The following AFF2 variants were observed in gnomAD, a reference collection of about 807,000 sequenced individuals.
AFF2 encodes ALF transcription elongation factor 2, also known as AF4/FMR2 family member 2.
In AFF2, 14 loss-of-function variants were observed where a neutral mutation model predicts 76.9. That is an observed-to-expected ratio of 0.18 (90% confidence interval 0.12 to 0.28). The LOEUF (loss-of-function observed/expected upper bound fraction) is 0.28. Ranked by LOEUF, AFF2 falls within the 10% of genes least tolerant of loss-of-function variation. AFF2 has a pLI of 1.00. For synonymous variants in AFF2, 398 were observed against 366.7 expected (o/e 1.09, Z -0.98); for missense variants, 868 against 1,001.1 (o/e 0.87, Z 1.79).
At chrX:148,807,104 G>A (rs781959100) in intron 3 of AFF2, among the ~76,000 whole-genome samples, 55 of 112,139 alleles carry the variant, frequency 4.9e-4, no homozygotes, top group African/African-American at 1.8e-3. Context: ...TGTCCTGAGT[G>A]CTGCCGACTC....
At chrX:148,897,335 T>A (rs1473556297) in intron 8 of AFF2, among the ~76,000 whole-genome samples, 1 of 90,144 alleles carries the variant, frequency 1.1e-5, no homozygotes, top group Non-Finnish European at 2.2e-5. Context: ...TATATCCATA[T>A]GTATATAATC....
chrX:148,688,969 A>G (rs1383588416), intron 3 of AFF2, among the ~76,000 whole-genome samples: 1 of 112,414 alleles, frequency 8.9e-6, no homozygotes, highest in African/African-American at 3.2e-5. Flanking sequence ...TGTACTTGCT[A>G]TAGTGTTCCT....
At chrX:148,581,167 ATACATATACG>A (rs2053370513) in intron 1 of AFF2, among the ~76,000 whole-genome samples, 1 of 82,850 alleles carries the variant, frequency 1.2e-5, no homozygotes, top group African/African-American at 6.1e-5. Flanking sequence ...GTATACACAC[ATACATATACG>A]TATACACACA....
Position 148,994,121 on chromosome X carries a change from T to C in AFF2, c.*2789T>C, listed in dbSNP as rs934527118. ...CACACTTAAATAAGCACGTGGAGGTTAGAATAGAGGGCAGAGTAAAAGGAA... is the reference window on the plus strand; with the variant it reads ...CACACTTAAATAAGCACGTGGAGGTCAGAATAGAGGGCAGAGTAAAAGGAA... On this transcript the variant is annotated 3_prime_UTR_variant, in exon 21 of 21. Transcript: ENST00000370460. The C allele has an allele frequency of 9.0e-6, 1 of 111,130 alleles. No individual in the cohort carries two copies. Among genetic ancestry groups the C allele is most frequent in the Non-Finnish European group, 1.9e-5 (1 of 52,975 alleles). The allele number at this position is 111,130 out of a possible 1,213,427, so 9.2% of individuals were successfully genotyped here. A position where few individuals can be genotyped will look rare whatever the true frequency, so the allele number is the denominator to read the frequency against.
chrX:148,839,468 C>A (rs1269813057), intron 5 of AFF2, among the ~76,000 whole-genome samples: 1 of 111,784 alleles, frequency 8.9e-6, no homozygotes, highest in Non-Finnish European at 1.9e-5. Context: ...TTTTACTACC[C>A]CAGTTTACAG....
At chrX:148,845,170 C>T (rs2070651801) in intron 7 of AFF2, among the ~76,000 whole-genome samples, 1 of 108,017 alleles carries the variant, frequency 9.3e-6, no homozygotes, top group Non-Finnish European at 1.9e-5. Context: ...TTTAGGAAAT[C>T]AACACAAGTT....
chrX:148,549,315 A>G (rs1196099368), intron 1 of AFF2, among the ~76,000 whole-genome samples: 2 of 112,578 alleles, frequency 1.8e-5, no homozygotes, highest in African/African-American at 6.5e-5. Flanking sequence ...AGGAATGGAC[A>G]GACAAGACAC....
Position 148,943,694 on chromosome X carries a change from CA to C in AFF2, c.1398-9885del, listed in dbSNP as rs1202207414. On this transcript the variant is annotated intron_variant, in intron 9 of 20. Transcript: ENST00000370460. ...ATATCCTCTTGGAACCATAGAGTCA[CA>C]GAGCAATAGGGATGTTAAGTGCCTA... 3.6e-5 allele frequency among the ~76,000 whole-genome samples: 4 copies of C among 112,016 alleles called. No individual in the cohort carries two copies. In the Admixed American group the frequency reaches 3.8e-4, roughly 11 times the overall value.
intron 3 of AFF2, among the ~76,000 whole-genome samples, chrX:148,804,772 C>T (rs1334306406): frequency 4.5e-5 from 5 of 112,216 alleles, no homozygotes; most frequent in Admixed American, 1.9e-4. Context: ...CTGTCTACAG[C>T]TTATGCAATA....
chrX:148,864,983 C>T (rs2070889940), intron 7 of AFF2, among the ~76,000 whole-genome samples: 1 of 112,063 alleles, frequency 8.9e-6, no homozygotes, highest in Non-Finnish European at 1.9e-5. Flanking sequence ...GTCAGAACTC[C>T]ATCATGTTTT....
intron 9 of AFF2, among the ~76,000 whole-genome samples, chrX:148,935,055 T>TA (rs1213160220): frequency 7.2e-5 from 1 of 13,861 alleles, no homozygotes; most frequent in African/African-American, 7.9e-5. Context: ...CCGAAAAGCC[T>TA]AATTTTTTTT....
intron 7 of AFF2, among the ~76,000 whole-genome samples, chrX:148,879,613 C>A (rs1443488601): frequency 8.9e-6 from 1 of 111,757 alleles, no homozygotes; most frequent in Non-Finnish European, 1.9e-5. Flanking sequence ...ACTACTCAAC[C>A]TGGCCATTGT....
At chrX:148,900,303 A>G (rs782393042) in intron 8 of AFF2, among the ~76,000 whole-genome samples, 8 of 111,022 alleles carry the variant, frequency 7.2e-5, no homozygotes, top group African/African-American at 2.6e-4. Flanking sequence ...GGTTTTTGTA[A>G]TTCAACATGG....
At chrX:148,585,826 G>T (rs2053462536) in intron 1 of AFF2, among the ~76,000 whole-genome samples, 2 of 91,643 alleles carry the variant, frequency 2.2e-5, no homozygotes, top group African/African-American at 8.0e-5. Context: ...GGGCGACAGA[G>T]CGAGACTGCG....
chrX:148,841,619 C>G (rs2070601415), intron 5 of AFF2, among the ~76,000 whole-genome samples: 1 of 111,799 alleles, frequency 8.9e-6, no homozygotes, highest in Non-Finnish European at 1.9e-5. Flanking sequence ...GATTCTTGTG[C>G]TTTTTAAGTT....
intron 3 of AFF2, among the ~76,000 whole-genome samples, chrX:148,770,350 T>C (rs1171272682): frequency 2.7e-5 from 3 of 111,772 alleles, no homozygotes; most frequent in Non-Finnish European, 5.6e-5. Flanking sequence ...ATTTGAAAAC[T>C]GATATTTTCT....
chrX:148,863,034 G>A (rs2124062905), intron 7 of AFF2, among the ~76,000 whole-genome samples: 1 of 111,395 alleles, frequency 9.0e-6, no homozygotes, highest in African/African-American at 3.3e-5. Flanking sequence ...TAATACGCAT[G>A]TTTGGAATTT....
rs2072595625 is a variant in AFF2, at chrX:148,996,080, A to G, written c.*4748A>G. 8.9e-6 allele frequency: 1 copy of G among 112,716 alleles called. No individual in the cohort carries two copies. The highest frequency in any genetic ancestry group is 3.2e-5 in the African/African-American group (1 of 30,968). The allele number at this position is 112,716 out of a possible 1,213,427, so 9.3% of individuals were successfully genotyped here. A position where few individuals can be genotyped will look rare whatever the true frequency, so the allele number is the denominator to read the frequency against. On this transcript the variant is annotated 3_prime_UTR_variant, in exon 21 of 21. Coordinates refer to ENST00000370460, the MANE Select transcript of AFF2 (RefSeq NM_002025.4). ...CCTGCATCACTCATGTGGCTACGAA[A>G]GTGTCTCTGAGAATAGAGCCCAATG...
chrX:148,550,233 T>C (rs1557238713), intron 1 of AFF2, among the ~76,000 whole-genome samples: 1 of 112,143 alleles, frequency 8.9e-6, no homozygotes, highest in Non-Finnish European at 1.9e-5. Context: ...AATAATTATT[T>C]AATTGCAGAA....
Sources: allele counts gnomAD v4.1 joint callset (sites outside exome capture counted in the v4.1 genomes callset), GRCh38; gene constraint gnomAD v4.1.1; transcripts MANE v1.5; gene names NCBI Gene and HGNC (gene_info 2026-07-23, HGNC 2026-07-21).